Variants in COPZ2 observed in about 807,000 individuals in gnomAD.
COPZ2 encodes the protein coatomer subunit zeta-2.
Under a neutral mutation model 33.2 loss-of-function variants are expected in COPZ2, and 30 were observed. The ratio of observed to expected loss-of-function variants is 0.90; its 90% CI spans 0.68 to 1.23. The LOEUF is 1.23. COPZ2 is among the 50% of genes most tolerant of loss of function. The pLI is 0.00. For synonymous variants in COPZ2, 89 were observed against 102.6 expected (o/e 0.87, Z 0.80); for missense variants, 263 against 262.4 (o/e 1.00, Z -0.02).
In COPZ2 at chr17:48,037,172, G is replaced by A. The variant is rs746927279; in HGVS notation, c.112-247C>T. On this transcript the variant is annotated intron_variant, in intron 1 of 8. Coordinates refer to ENST00000621465, the MANE Select transcript of COPZ2 (RefSeq NM_016429.4). This position sits in a 1 kb window ranked among gnomAD's most constrained non-coding sequence, Gnocchi z 5.6. ...CGTTGGGTGCAGAAGGTCCTTCCGG[G>A]CCCAAGTTCTGTCATGCACTGACTG... The A allele has an allele frequency of 2.7e-6, 2 of 741,158 alleles. No individual in the cohort carries two copies. The highest frequency in any genetic ancestry group is 2.4e-4 in the Middle Eastern group (1 of 4,202). 45.9% of individuals were successfully genotyped at this position (741,158 alleles called of 1,614,324 possible).
chr17:48,034,815 T>G (rs1598263218), intron 2 of COPZ2, among the ~76,000 whole-genome samples: 2 of 152,164 alleles, frequency 1.3e-5, no homozygotes, highest in Non-Finnish European at 2.9e-5. Flanking sequence ...AAACCCCATC[T>G]CTACTAATTA....
In COPZ2 at chr17:48,028,533, G is replaced by A. The variant is rs766789830; in HGVS notation, c.547-23C>T. ...TGCCTGTAAGGAAGCAGAGTCAAGG[G>A]GTGGGGTAGGGCCAGCATGAGGGTC... On this transcript the variant is annotated intron_variant, in intron 7 of 8. Transcript: ENST00000621465. This position sits in a 1 kb window ranked among gnomAD's most constrained non-coding sequence, Gnocchi z 4.5. The A allele has an allele frequency of 3.1e-6, 5 of 1,603,040 alleles. No individual in the cohort carries two copies. The highest frequency in any genetic ancestry group is 2.6e-6 in the Non-Finnish European group (3 of 1,175,008).
chr17:48,037,621 G>A lies in COPZ2; in HGVS notation c.111+46C>T. On this transcript the variant is annotated intron_variant, in intron 1 of 8. Coordinates refer to ENST00000621465, the MANE Select transcript of COPZ2 (RefSeq NM_016429.4). This position sits in a 1 kb window ranked among gnomAD's most constrained non-coding sequence, Gnocchi z 5.6. ...CTCCCCCTAACCCTGCTCTGTCCCTGCCCAGCTCCCGCCGCCCGGGATCCC... is the reference window on the plus strand; with the variant it reads ...CTCCCCCTAACCCTGCTCTGTCCCTACCCAGCTCCCGCCGCCCGGGATCCC... 2 of 1,059,378 alleles carry A rather than the reference G, an allele frequency of 1.9e-6. No homozygotes were observed. The highest frequency in any genetic ancestry group is 4.1e-5 in the South Asian group (1 of 24,166). 65.6% of individuals were successfully genotyped at this position (1,059,378 alleles called of 1,614,324 possible).
In COPZ2 at chr17:48,037,538, C is replaced by A; in HGVS notation, c.111+129G>T. 1.2e-6 allele frequency: 1 copy of A among 868,028 alleles called. No individual in the cohort carries two copies. Among genetic ancestry groups the A allele is most frequent in the Admixed American group, 5.2e-5 (1 of 19,254 alleles). The allele number at this position is 868,028 out of a possible 1,614,324, so 53.8% of individuals were successfully genotyped here. A position where few individuals can be genotyped will look rare whatever the true frequency, so the allele number is the denominator to read the frequency against. ...GAACTTTTCCTCCCGGGTCCTGGGGCCAGTCAGGGGTGACACAAAGTTCCC... is the reference window on the plus strand; with the variant it reads ...GAACTTTTCCTCCCGGGTCCTGGGGACAGTCAGGGGTGACACAAAGTTCCC... On this transcript the variant is annotated intron_variant, in intron 1 of 8. Coordinates refer to ENST00000621465, the MANE Select transcript of COPZ2 (RefSeq NM_016429.4). This position sits in a 1 kb window ranked among gnomAD's most constrained non-coding sequence, Gnocchi z 5.6.
intron 2 of COPZ2, among the ~76,000 whole-genome samples, 196 bp from the exon 3 acceptor site, chr17:48,034,140 C>T (rs1388042798): frequency 1.3e-5 from 2 of 152,188 alleles, no homozygotes; most frequent in Non-Finnish European, 2.9e-5. Context: ...TGGAGTTTTG[C>T]TCTTACTGCA....
intron 3 of COPZ2, 25 bp from the exon 4 acceptor site, chr17:48,033,327 C>T (rs778055906): frequency 6.9e-7 from 1 of 1,441,870 alleles, no homozygotes. Context: ...AGCTTTCAGT[C>T]CTGGCCACCT....
chr17:48,027,888 CCCTGG>C (rs2036838892), intron 8 of COPZ2: 1 of 152,302 alleles, frequency 6.6e-6, no homozygotes, highest in Admixed American at 6.5e-5. Context: ...AGGAACCTCC[CCCTGG>C]CCTTACGCTC....
rs753675736 is a variant in COPZ2, at chr17:48,032,242, G to A, written c.417-9C>T. 4 of 1,610,254 alleles carry A rather than the reference G, an allele frequency of 2.5e-6. No homozygotes were observed. Among genetic ancestry groups the A allele is most frequent in the Non-Finnish European group, 2.5e-6 (3 of 1,178,316 alleles). On this transcript the variant is annotated splice_polypyrimidine_tract_variant and intron_variant, in intron 5 of 8. Transcript: ENST00000621465. The stretch of plus-strand genomic sequence containing the variant: ...GCTTCTCCACGTTCTTCCTGAAGGT[G>A]GACACAAGCTCCTGAGCCTCCCTGT...
chr17:48,032,024 G>T, intron 6 of COPZ2, 132 bp downstream of exon 6: 1 of 721,522 alleles, frequency 1.4e-6, no homozygotes. Flanking sequence ...TAGGGGAATG[G>T]GATCCCTGGG....
At chr17:48,038,944 T>G (rs1259562322), upstream of COPZ2, among the ~76,000 whole-genome samples, 1 of 152,132 alleles carries the variant, frequency 6.6e-6, no homozygotes, top group Non-Finnish European at 1.5e-5. Context: ...TTTCTTTCAT[T>G]GCACTTTTTT....
At chr17:48,033,362 C>G in intron 3 of COPZ2, 60 bp from the exon 4 acceptor site, 1 of 934,566 alleles carries the variant, frequency 1.1e-6, no homozygotes, top group Non-Finnish European at 1.7e-6. Flanking sequence ...CTAGCCCCTC[C>G]TCCTCATGTA....
chr17:48,029,455 G>A, intron 6 of COPZ2: 1 of 497,790 alleles, frequency 2.0e-6, no homozygotes, highest in East Asian at 3.8e-5. Context: ...AGGATGATCA[G>A]GTTGTCAAAA....
In COPZ2 at chr17:48,028,489, C is replaced by A; in HGVS notation, c.568G>T (p.Glu190Ter). 1 of 1,609,286 alleles carries A rather than the reference C, an allele frequency of 6.2e-7. No individual in the cohort carries two copies. Among genetic ancestry groups the A allele is most frequent in the South Asian group, 1.1e-5 (1 of 89,986 alleles). Residue 190 changes from glutamate to a stop codon, truncating the protein, a stop_gained, in exon 8 of 9, where the codon GAA (glutamate) becomes TAA (stop). Transcript: ENST00000621465. LOFTEE classifies it high-confidence loss of function. This position sits in a 1 kb window ranked among gnomAD's most constrained non-coding sequence, Gnocchi z 4.5. Reference protein sequence around the residue: ...NFRADDGGLTEQSVAQVLQSA... With the variant: ...NFRADDGGLT ...GGGCCTACCTGGGCCACACTCTGTTCAGTCAAGCCGCCATCATCTGCCTGT... is the reference window on the plus strand; with the variant it reads ...GGGCCTACCTGGGCCACACTCTGTTAAGTCAAGCCGCCATCATCTGCCTGT...
rs1337753419 is a variant in COPZ2 at position 48,036,016 on chromosome 17, A to C, written c.186+835T>G. 2.0e-5 allele frequency among the ~76,000 whole-genome samples: 3 copies of C among 152,140 alleles called. No individual in the cohort carries two copies. In the East Asian group the frequency reaches 5.8e-4, roughly 29 times the overall value. On this transcript the variant is annotated intron_variant, in intron 2 of 8. Transcript: ENST00000621465. ...GTGATCTGCCCGCCTTGGCCTCCCA[A>C]AGTGCTGGGATTACAGGCATGAGCC...
chr17:48,037,101 C>A lies in COPZ2; in HGVS notation c.112-176G>T. The A allele has an allele frequency of 1.3e-6, 1 of 772,508 alleles. No individual in the cohort carries two copies. The highest frequency in any genetic ancestry group is 2.4e-6 in the Non-Finnish European group (1 of 417,438). The allele number at this position is 772,508 out of a possible 1,614,324, so 47.9% of individuals were successfully genotyped here. A position where few individuals can be genotyped will look rare whatever the true frequency, so the allele number is the denominator to read the frequency against. ...TGGGCCAACCCAGGTGCCCACTCCA[C>A]TCCCAGGCAGATGTTCCACTGCAGG... On this transcript the variant is annotated intron_variant, in intron 1 of 8. Transcript: ENST00000621465. This position sits in a 1 kb window ranked among gnomAD's most constrained non-coding sequence, Gnocchi z 5.6.
intron 2 of COPZ2, 31 bp downstream of exon 2, chr17:48,036,820 T>C (rs937781225): frequency 3.1e-6 from 5 of 1,602,154 alleles, no homozygotes; most frequent in Non-Finnish European, 4.3e-6. Flanking sequence ...GAGTGGGAAC[T>C]GTGTCCCTCA....
chr17:48,029,734 C>T (rs1219693017), intron 6 of COPZ2, among the ~76,000 whole-genome samples: 2 of 150,596 alleles, frequency 1.3e-5, no homozygotes, highest in Non-Finnish European at 3.0e-5. Flanking sequence ...TTTGGGAGGC[C>T]GAGGCGGGTG....
intron 6 of COPZ2, 81 bp from the exon 7 acceptor site, chr17:48,029,257 C>T: frequency 7.4e-7 from 1 of 1,350,032 alleles, no homozygotes; most frequent in Non-Finnish European, 1.0e-6. Flanking sequence ...CAAGCCTCTT[C>T]CCTCTCCGAA....
chr17:48,046,204 G>T, the COPZ2 span: 1 of 152,192 alleles, frequency 6.6e-6, no homozygotes, highest in Non-Finnish European at 1.5e-5. Context: ...ACTGAAAATT[G>T]TTCTGTATTT....
Sources: gnomAD v4.1 joint callset for allele counts (sites outside exome capture counted in the v4.1 genomes callset) on GRCh38, gnomAD v4.1.1 for gene constraint, Gnocchi (gnomAD v3.1) non-coding constraint, MANE v1.5 for transcripts, NCBI Gene and HGNC (gene_info 2026-07-23, HGNC 2026-07-21) for gene names.